The following TTC39A variants were observed in gnomAD, a reference collection of about 807,000 sequenced individuals.
The protein encoded by TTC39A is tetratricopeptide repeat protein 39A.
TTC39A carries 46 observed loss-of-function variants against 82.3 expected under a neutral mutation model. The observed-to-expected ratio is 0.56, with a 90% confidence interval of 0.44 to 0.71. The LOEUF is 0.71. Among genes scored for constraint, TTC39A ranks in the 30% least tolerant of loss-of-function variants. TTC39A has a pLI of 0.00. For synonymous variants in TTC39A, 254 were observed against 275.2 expected, an observed-to-expected ratio of 0.92 and a Z score of 0.76; for missense variants, 543 against 712.9, an observed-to-expected ratio of 0.76 and a Z score of 2.71.
chr1:51,336,500 C>G (rs1477477983), intron 1 of TTC39A, among the ~76,000 whole-genome samples: 5 of 152,058 alleles, frequency 3.3e-5, no homozygotes, highest in Admixed American at 3.3e-4. Context: ...GAAGGTAGGT[C>G]TAAAGAAGGA....
intron 1 of TTC39A, among the ~76,000 whole-genome samples, chr1:51,326,909 T>C (rs1392171554): frequency 6.6e-6 from 1 of 152,062 alleles, no homozygotes; most frequent in Non-Finnish European, 1.5e-5. Flanking sequence ...GGAGAAGAGG[T>C]GCTGGGCTGG....
chr1:51,327,776 A>G (rs1290445375), intron 1 of TTC39A, among the ~76,000 whole-genome samples: 1 of 149,618 alleles, frequency 6.7e-6, no homozygotes, highest in East Asian at 2.0e-4. Flanking sequence ...GGTTCACTGC[A>G]ACCTCCGCCT....
rs1437199666 is a variant in TTC39A at position 51,307,810 on chromosome 1, TATC to T, written c.488+1448_488+1450del. ...TTGTTTTTACTGTGATAAATATACA[TATC>T]ATGAAATTTAACATCTTAACCAATT... is the stretch of plus-strand genomic sequence containing the variant. On this transcript the variant is annotated intron_variant, in intron 6 of 17. Transcript: ENST00000680483. Among the ~76,000 whole-genome samples the T allele has an allele frequency of 4.0e-5, 6 of 151,848 alleles. No individual in the cohort carries two copies. The South Asian group carries it at 1.2e-3, about 32-fold the overall frequency.
chr1:51,293,064 GTATT>G (rs923273684), intron 14 of TTC39A, among the ~76,000 whole-genome samples: 1 of 147,546 alleles, frequency 6.8e-6, no homozygotes, highest in African/African-American at 2.5e-5. Context: ...TAGCTTTACT[GTATT>G]TTTTTTTTTT....
In TTC39A at chr1:51,302,367, TTGC is replaced by T; in HGVS notation, c.878_880del (p.Gly293_Asn294delinsAsp). On this transcript the variant is annotated inframe_deletion, in exon 11 of 18. Coordinates refer to ENST00000680483, the MANE Select transcript of TTC39A (RefSeq NM_001297663.2). Reference sequence around the variant, plus strand: ...ACCCCCATCACTCACTGCATCAATGTTGCCTTTAATGACTTCAATCCTCCCTGC... The same window carrying T: ...ACCCCCATCACTCACTGCATCAATGTCTTTAATGACTTCAATCCTCCCTGC... 1 of 1,605,394 alleles carries T rather than the reference TTGC, an allele frequency of 6.2e-7. No individual in the cohort carries two copies. Among genetic ancestry groups the T allele is most frequent in the Non-Finnish European group, 8.5e-7 (1 of 1,176,100 alleles).
Position 51,287,869 on chromosome 1 carries a change from T to A in TTC39A, c.*288A>T, listed in dbSNP as rs537612638. The A allele has an allele frequency of 5.1e-5, 17 of 334,302 alleles. No individual in the cohort carries two copies. The highest frequency in any genetic ancestry group is 8.5e-4 in the Middle Eastern group (1 of 1,170). 20.7% of individuals were successfully genotyped at this position (334,302 alleles called of 1,614,324 possible). ...CCCATCAATGTATTTCTAAGGAAAATGTAAACTGTTCATACATTCTCTTAA... is the reference window on the plus strand; with the variant it reads ...CCCATCAATGTATTTCTAAGGAAAAAGTAAACTGTTCATACATTCTCTTAA... On this transcript the variant is annotated 3_prime_UTR_variant, in exon 18 of 18. Transcript: ENST00000680483.
chr1:51,301,487 G>A, intron 12 of TTC39A, 85 bp downstream of exon 12: 1 of 1,464,470 alleles, frequency 6.8e-7, no homozygotes, highest in East Asian at 2.5e-5. Flanking sequence ...AGACATCTGT[G>A]TTCAGTTAGG....
chr1:51,337,472 G>C (rs975010971), intron 1 of TTC39A, among the ~76,000 whole-genome samples: 1 of 149,288 alleles, frequency 6.7e-6, no homozygotes, highest in African/African-American at 2.5e-5. Context: ...TGTCACCCAG[G>C]CTGGAATGAG....
At chr1:51,310,232 G>A (rs540261944) in intron 5 of TTC39A, among the ~76,000 whole-genome samples, 68 of 152,042 alleles carry the variant, frequency 4.5e-4, no homozygotes, top group Non-Finnish European at 7.8e-4. Flanking sequence ...GCAAGACTCC[G>A]TCTCAACAAC....
chr1:51,328,186 T>A (rs1645784170), intron 1 of TTC39A, among the ~76,000 whole-genome samples: 1 of 151,922 alleles, frequency 6.6e-6, no homozygotes, highest in Non-Finnish European at 1.5e-5. Context: ...TGTCTCTATT[T>A]TATTTTATTT....
intron 7 of TTC39A, chr1:51,305,390 G>A: frequency 2.3e-6 from 1 of 436,648 alleles, no homozygotes. Context: ...CTAGGTTCCT[G>A]AGGCTAAATC....
At chr1:51,332,381 C>A (rs1244688220), upstream of TTC39A, among the ~76,000 whole-genome samples, 1 of 152,244 alleles carries the variant, frequency 6.6e-6, no homozygotes, top group African/African-American at 2.4e-5. Context: ...ATCCCACAGC[C>A]TCCCGAGTAG....
intron 2 of TTC39A, among the ~76,000 whole-genome samples, chr1:51,313,510 C>T (rs572804967): frequency 2.0e-5 from 3 of 152,314 alleles, no homozygotes; most frequent in Non-Finnish European, 2.9e-5. Context: ...GGAGATCCTG[C>T]CGGGGCTAAA....
intron 1 of TTC39A, among the ~76,000 whole-genome samples, chr1:51,327,832 G>C (rs1019990089): frequency 2.0e-5 from 3 of 151,904 alleles, no homozygotes; most frequent in Non-Finnish European, 4.4e-5. Flanking sequence ...GAGTAGCTGG[G>C]ATTACAGGTG....
At chr1:51,329,473 G>A (rs184336335) in intron 1 of TTC39A, among the ~76,000 whole-genome samples, 6 of 152,312 alleles carry the variant, frequency 3.9e-5, no homozygotes, top group Admixed American at 1.3e-4. Context: ...CCCAGGCCAG[G>A]GTGTCCCCCA....
chr1:51,331,175 C>T, upstream of TTC39A: 1 of 1,546,168 alleles, frequency 6.5e-7, no homozygotes, highest in South Asian at 1.2e-5. Flanking sequence ...CAAGCTAGGA[C>T]TGGAATCCAT....
chr1:51,330,600 G>T (rs1280129004), upstream of TTC39A: 2 of 983,076 alleles, frequency 2.0e-6, no homozygotes, highest in Non-Finnish European at 2.4e-6. This position sits in a 1 kb window ranked among gnomAD's most constrained non-coding sequence, Gnocchi z 4.5. Flanking sequence ...GGGCGCGCCG[G>T]GGGCGGGGAA....
chr1:51,299,491 T>C (rs1211439184), intron 12 of TTC39A: 1 of 152,270 alleles, frequency 6.6e-6, no homozygotes, highest in African/African-American at 2.4e-5. Context: ...GCCCCAGGAC[T>C]AGAAGTTGGT....
At chr1:51,305,663 C>A (rs530899045) in intron 7 of TTC39A, 2 of 414,910 alleles carry the variant, frequency 4.8e-6, no homozygotes, top group Admixed American at 7.9e-5. Flanking sequence ...CTCTCCAGGG[C>A]AGAGAAAGCC....
Sources: allele counts gnomAD v4.1 joint callset (sites outside exome capture counted in the v4.1 genomes callset), GRCh38; gene constraint gnomAD v4.1.1; non-coding constraint Gnocchi (gnomAD v3.1); transcripts MANE v1.5; gene names NCBI Gene and HGNC (gene_info 2026-07-23, HGNC 2026-07-21).